Variants in XIRP2 observed in about 807,000 individuals in gnomAD.
XIRP2 encodes xin actin binding repeat containing 2.
Under a neutral mutation model 277.0 loss-of-function variants are expected in XIRP2, and 236 were observed. The observed-to-expected ratio is 0.85, with a 90% confidence interval of 0.77 to 0.95. The LOEUF is 0.95. XIRP2 is among the 40% of genes least tolerant of loss of function. The probability of loss-of-function intolerance (pLI) is 0.00; values close to 1 mark genes in which losing one functional copy is unlikely to be tolerated. For synonymous variants in XIRP2, 1,490 were observed against 1,416.5 expected, an observed-to-expected ratio of 1.05 and a Z score of -1.17; for missense variants, 4,640 against 4,157.5, an observed-to-expected ratio of 1.12 and a Z score of -3.19.
intron 5 of XIRP2, among the ~76,000 whole-genome samples, chr2:167,239,148 T>A (rs192416528): frequency 6.6e-6 from 1 of 152,330 alleles, no homozygotes; most frequent in Non-Finnish European, 1.5e-5. Flanking sequence ...TGAAGACTAG[T>A]ATGTCTTTTT....
chr2:167,027,422 AG>A (rs1688199425), intron 2 of XIRP2, among the ~76,000 whole-genome samples: 1 of 151,992 alleles, frequency 6.6e-6, no homozygotes, highest in Admixed American at 6.6e-5. Flanking sequence ...TTTTTCAAAA[AG>A]TTTCTAACTT....
chr2:167,249,579 T>G lies in XIRP2; in HGVS notation c.8187T>G (p.Tyr2729Ter). 6.2e-7 allele frequency: 1 copy of G among 1,613,600 alleles called. No individual in the cohort carries two copies. Among genetic ancestry groups the G allele is most frequent in the South Asian group, 1.1e-5 (1 of 91,072 alleles). The change falls in exon 9 of 11, where the codon TAT becomes TAG. Residue 2729 changes from tyrosine to a stop codon, truncating the protein, a stop_gained. Transcript: ENST00000409195. LOFTEE classifies it high-confidence loss of function. ...CATTAAATGAAACAGACCACAGCTA[T>G]GAAAGTCATAAACAGCAATCTGAGA... ...DHTLNETDHS[Y>*]ESHKQQSEID...
chr2:167,017,964 A>G (rs184570439), intron 2 of XIRP2, among the ~76,000 whole-genome samples: 50 of 152,142 alleles, frequency 3.3e-4, no homozygotes, highest in East Asian at 1.9e-3. Flanking sequence ...GAATGTAAAC[A>G]CTAATGATGA....
chr2:166,940,726 G>T (rs867410395), intron 2 of XIRP2, among the ~76,000 whole-genome samples: 3 of 152,336 alleles, frequency 2.0e-5, no homozygotes, highest in Admixed American at 6.5e-5. Context: ...GACCCTGTTT[G>T]CCTGTGTATC....
chr2:167,021,538 T>G (rs1398071728), intron 2 of XIRP2, among the ~76,000 whole-genome samples: 1 of 152,080 alleles, frequency 6.6e-6, no homozygotes, highest in Non-Finnish European at 1.5e-5. Context: ...TTTTAATGTT[T>G]GTTGGAAATT....
chr2:167,214,725 C>T (rs1025003978), intron 4 of XIRP2, among the ~76,000 whole-genome samples: 1 of 151,846 alleles, frequency 6.6e-6, no homozygotes, highest in African/African-American at 2.4e-5. Context: ...TGCCACCATG[C>T]CCGGCTAATT....
chr2:167,010,668 C>T (rs932712588), intron 2 of XIRP2, among the ~76,000 whole-genome samples: 36 of 152,084 alleles, frequency 2.4e-4, no homozygotes, highest in Non-Finnish European at 4.1e-4. Context: ...GGCAGTATGG[C>T]CATTTTCAAG....
chr2:166,917,978 T>TA (rs1331380581), intron 2 of XIRP2, among the ~76,000 whole-genome samples: 2 of 152,196 alleles, frequency 1.3e-5, no homozygotes, highest in African/African-American at 4.8e-5. Context: ...ACAAGCAGAA[T>TA]AATTGTAGAA....
At chr2:167,155,118 A>G (rs1301883594) in intron 3 of XIRP2, among the ~76,000 whole-genome samples, 10 of 150,830 alleles carry the variant, frequency 6.6e-5, no homozygotes, top group Admixed American at 5.3e-4. Context: ...CTTACCAACC[A>G]AAAAGACTCC....
chr2:166,899,068 TTG>T (rs1157561102), intron 1 of XIRP2, among the ~76,000 whole-genome samples: 5 of 152,146 alleles, frequency 3.3e-5, no homozygotes, highest in Non-Finnish European at 7.4e-5. Flanking sequence ...GTTCCCTCTG[TTG>T]TGTGTTTCTC....
chr2:167,210,573 G>A (rs1693994780), intron 3 of XIRP2, among the ~76,000 whole-genome samples, 162 bp from the exon 4 acceptor site: 1 of 152,172 alleles, frequency 6.6e-6, no homozygotes, highest in Non-Finnish European at 1.5e-5. Context: ...AACTTTGCTT[G>A]AAAGCTTGAA....
chr2:167,049,411 T>C (rs374287175), intron 2 of XIRP2, among the ~76,000 whole-genome samples: 1 of 151,902 alleles, frequency 6.6e-6, no homozygotes, highest in Non-Finnish European at 1.5e-5. Context: ...AAATAAGGTC[T>C]TAACAAAACA....
chr2:166,909,070 T>C (rs1206402553), intron 2 of XIRP2, among the ~76,000 whole-genome samples: 1 of 152,226 alleles, frequency 6.6e-6, no homozygotes, highest in African/African-American at 2.4e-5. Context: ...AGCTTTGTTC[T>C]TTTGGCTTAG....
intron 5 of XIRP2, among the ~76,000 whole-genome samples, chr2:167,233,399 TTCTGGC>T (rs1442616223): frequency 6.6e-6 from 1 of 151,980 alleles, no homozygotes; most frequent in African/African-American, 2.4e-5. Flanking sequence ...ACACAGATTA[TTCTGGC>T]TGTATAAGAT....
chr2:167,101,710 C>A (rs1258468182), intron 2 of XIRP2, among the ~76,000 whole-genome samples: 2 of 152,036 alleles, frequency 1.3e-5, no homozygotes, highest in Non-Finnish European at 2.9e-5. Flanking sequence ...GCTATGAGTG[C>A]AAAATATATA....
chr2:166,944,283 C>G (rs1326245024), intron 2 of XIRP2, among the ~76,000 whole-genome samples: 1 of 152,110 alleles, frequency 6.6e-6, no homozygotes, highest in African/African-American at 2.4e-5. Context: ...AGAAAAGAAG[C>G]AATTATGGTT....
chr2:166,932,725 T>C (rs1192309084), intron 2 of XIRP2, among the ~76,000 whole-genome samples: 1 of 152,184 alleles, frequency 6.6e-6, no homozygotes, highest in Non-Finnish European at 1.5e-5. Context: ...TGGTGTGAGG[T>C]AGGGATCCAG....
rs138734912 is a variant in XIRP2, at chr2:167,203,173, G to A, written c.563-7562G>A. Among the ~76,000 whole-genome samples, 51 of 152,228 alleles carry A rather than the reference G, an allele frequency of 3.4e-4. No individual in the cohort carries two copies. In the East Asian group the frequency reaches 9.3e-3, roughly 28 times the overall value. On this transcript the variant is annotated intron_variant, in intron 3 of 10. Transcript: ENST00000409195. ...TGCCATGTAAGGTCGCATATTCATA[G>A]GTCCTGGGGATTAGGATGTGAACAT...
chr2:166,994,451 C>G (rs1687149268), intron 2 of XIRP2, among the ~76,000 whole-genome samples: 1 of 113,278 alleles, frequency 8.8e-6, no homozygotes, highest in Admixed American at 9.4e-5. Flanking sequence ...ACAATGTGCA[C>G]ATGTACCCTA....
Sources: gnomAD v4.1 joint callset for allele counts (sites outside exome capture counted in the v4.1 genomes callset) on GRCh38, gnomAD v4.1.1 for gene constraint, MANE v1.5 for transcripts, NCBI Gene and HGNC (gene_info 2026-07-23, HGNC 2026-07-21) for gene names.